RYR3: variants seen among roughly 807,000 people sequenced by gnomAD.
The protein encoded by RYR3 is ryanodine receptor 3.
In RYR3, 207 loss-of-function variants were observed where a neutral mutation model predicts 584.3. The observed-to-expected ratio is 0.35, with a 90% confidence interval of 0.32 to 0.40. The LOEUF (loss-of-function observed/expected upper bound fraction) is 0.40. Among genes scored for constraint, RYR3 ranks in the 10% least tolerant of loss-of-function variants. The pLI is 1.00. For synonymous variants in RYR3, 2,416 were observed against 2,248.5 expected, an observed-to-expected ratio of 1.07 and a Z score of -2.11; for missense variants, 5,616 against 6,089.2, an observed-to-expected ratio of 0.92 and a Z score of 2.59.
intron 1 of RYR3, among the ~76,000 whole-genome samples, chr15:33,450,268 C>G (rs183736600): frequency 6.6e-5 from 10 of 152,100 alleles, no homozygotes; most frequent in Non-Finnish European, 8.8e-5. Context: ...AAAAATCCTG[C>G]TAAATAATTA....
chr15:33,547,039 G>C (rs921749289), intron 8 of RYR3, among the ~76,000 whole-genome samples: 2 of 152,124 alleles, frequency 1.3e-5, no homozygotes, highest in African/African-American at 4.8e-5. Flanking sequence ...AGGTAATCTG[G>C]GGACTGCTGT....
rs146707335 is a variant in RYR3, at chr15:33,755,824, C to T, written c.8516-482C>T. ...TGCTCTTGTTGCCCAGGCTGGAGTG[C>T]AGTGGCACAGTCTTGGCTCACAGCA... On this transcript the variant is annotated intron_variant, in intron 58 of 103. Coordinates refer to ENST00000634891, the MANE Select transcript of RYR3 (RefSeq NM_001036.6). Among the ~76,000 whole-genome samples the T allele has an allele frequency of 5.8e-3, 876 of 152,192 alleles. 21 individuals carry two copies. Among genetic ancestry groups the T allele is most frequent in the Non-Finnish European group, 3.6e-3 (244 of 68,010 alleles).
chr15:33,791,088 A>G (rs2075126303), intron 67 of RYR3, among the ~76,000 whole-genome samples: 1 of 152,252 alleles, frequency 6.6e-6, no homozygotes, highest in African/African-American at 2.4e-5. Context: ...AAGGACTTGG[A>G]TCTGGCAATA....
At chr15:33,314,939 A>AC (rs1217910468) in intron 1 of RYR3, among the ~76,000 whole-genome samples, 1 of 145,204 alleles carries the variant, frequency 6.9e-6, no homozygotes, top group African/African-American at 2.8e-5. Context: ...CAAAAAAAAA[A>AC]ACCAAAAAAA....
chr15:33,860,901 GGC>G (rs1887953382), intron 101 of RYR3, among the ~76,000 whole-genome samples, 175 bp from the exon 102 acceptor site: 1 of 120,658 alleles, frequency 8.3e-6, no homozygotes, highest in African/African-American at 3.6e-5. Context: ...CTAAGTGTAT[GGC>G]ACTACTGAGT....
chr15:33,363,685 A>C (rs1004906300), intron 1 of RYR3, among the ~76,000 whole-genome samples: 1 of 152,196 alleles, frequency 6.6e-6, no homozygotes, highest in African/African-American at 2.4e-5. Context: ...TGAGATGTTA[A>C]CATAAAATGA....
intron 1 of RYR3, among the ~76,000 whole-genome samples, chr15:33,457,987 G>A (rs1691195465): frequency 1.3e-5 from 2 of 152,218 alleles, no homozygotes; most frequent in Admixed American, 1.3e-4. Flanking sequence ...ATCATCAGTA[G>A]TGCCAGGTAC....
intron 3 of RYR3, among the ~76,000 whole-genome samples, chr15:33,522,504 A>G (rs1182837639): frequency 6.6e-6 from 1 of 152,176 alleles, no homozygotes; most frequent in East Asian, 1.9e-4. Context: ...CGTATTAATT[A>G]CCCCATTATG....
intron 10 of RYR3, among the ~76,000 whole-genome samples, chr15:33,556,632 A>G (rs1365347704): frequency 6.6e-6 from 1 of 152,228 alleles, no homozygotes; most frequent in East Asian, 1.9e-4. Flanking sequence ...TCTGTTAACA[A>G]TATGAGCTTG....
chr15:33,684,771 G>T (rs1469685019), intron 38 of RYR3, among the ~76,000 whole-genome samples: 1 of 152,216 alleles, frequency 6.6e-6, no homozygotes, highest in African/African-American at 2.4e-5. Flanking sequence ...AACCCTGCAA[G>T]CCAGAAGAGG....
chr15:33,316,340 C>T (rs1018641208), intron 1 of RYR3, among the ~76,000 whole-genome samples: 1 of 152,196 alleles, frequency 6.6e-6, no homozygotes, highest in African/African-American at 2.4e-5. Flanking sequence ...GCCATCAACT[C>T]CATCATCTTC....
intron 1 of RYR3, among the ~76,000 whole-genome samples, chr15:33,400,367 C>T (rs542551607): frequency 2.0e-5 from 3 of 152,292 alleles, no homozygotes; most frequent in South Asian, 4.2e-4. Flanking sequence ...TGGACTCCTT[C>T]CCCCCGCCAC....
At position 33,742,421 on chromosome 15, in the gene RYR3, C is replaced by T; in HGVS notation, c.7876C>T (p.His2626Tyr). ...CGTCACCAAGTATGCTGAGCATTCA[C>T]ATGATAAATGGGCCTGTGACAAGGT... ...YIVTKYAEHSHDKWACDKSQS... is the reference protein window; with the variant it reads ...YIVTKYAEHSYDKWACDKSQS... The change falls in exon 52 of 104, where the codon CAT becomes TAT. Residue 2626 changes from histidine (H) to tyrosine (Y), a missense_variant. This residue lies in a region of RYR3 where 1,280 missense variants were observed against 1,426.2 expected (regional missense o/e 0.90). Coordinates refer to ENST00000634891, the MANE Select transcript of RYR3 (RefSeq NM_001036.6). The T allele has an allele frequency of 6.2e-7, 1 of 1,610,962 alleles. No homozygotes were observed. Among genetic ancestry groups the T allele is most frequent in the East Asian group, 2.2e-5 (1 of 44,872 alleles).
chr15:33,592,669 G>T (rs1402939367), intron 16 of RYR3, among the ~76,000 whole-genome samples: 1 of 152,158 alleles, frequency 6.6e-6, no homozygotes, highest in Non-Finnish European at 1.5e-5. Context: ...CTCCAGCCAG[G>T]TATTCCAGTG....
chr15:33,645,325 G>A (rs187541873), intron 28 of RYR3, among the ~76,000 whole-genome samples: 24 of 152,118 alleles, frequency 1.6e-4, no homozygotes, highest in African/African-American at 5.8e-4. Flanking sequence ...TAGGGGGAGA[G>A]TGTTGATTTA....
At chr15:33,579,925 G>A in intron 12 of RYR3, 51 bp from the exon 13 acceptor site, 2 of 1,482,160 alleles carry the variant, frequency 1.3e-6, no homozygotes, top group Non-Finnish European at 9.2e-7. Flanking sequence ...GTGTTCATCA[G>A]GGCCCTGCTG....
intron 1 of RYR3, among the ~76,000 whole-genome samples, chr15:33,459,643 G>A (rs189356695): frequency 2.0e-5 from 3 of 152,268 alleles, no homozygotes; most frequent in Admixed American, 1.3e-4. Context: ...AAGACTTTGG[G>A]TATCACAGTC....
At chr15:33,620,736 G>A (rs1157138129) in intron 19 of RYR3, among the ~76,000 whole-genome samples, 1 of 152,208 alleles carries the variant, frequency 6.6e-6, no homozygotes, top group Admixed American at 6.5e-5. Flanking sequence ...GTGGCGGTTT[G>A]TTGGATCGCT....
intron 1 of RYR3, among the ~76,000 whole-genome samples, chr15:33,426,882 G>A (rs1186216182): frequency 6.6e-6 from 1 of 152,154 alleles, no homozygotes; most frequent in Non-Finnish European, 1.5e-5. Context: ...CCGACTGCTG[G>A]CTTCTCTTGT....
Sources: gnomAD v4.1 joint callset for allele counts (sites outside exome capture counted in the v4.1 genomes callset) on GRCh38, gnomAD v4.1.1 for gene constraint, gnomAD v4.1.1 regional missense constraint, MANE v1.5 for transcripts, NCBI Gene and HGNC (gene_info 2026-07-23, HGNC 2026-07-21) for gene names.